SASH1: variants seen among roughly 807,000 people sequenced by gnomAD.
The protein encoded by SASH1 is SAM and SH3 domain containing 1.
SASH1 carries 44 observed loss-of-function variants against 125.2 expected under a neutral mutation model. The observed-to-expected ratio is 0.35, with a 90% confidence interval of 0.28 to 0.45. The LOEUF (loss-of-function observed/expected upper bound fraction) is 0.45. SASH1 is among the 20% of genes least tolerant of loss of function. The probability of loss-of-function intolerance (pLI) is 1.00; values close to 1 mark genes in which losing one functional copy is unlikely to be tolerated. For synonymous variants in SASH1, 639 were observed against 649.1 expected (o/e 0.98, Z 0.24); for missense variants, 1,426 against 1,614.5 (o/e 0.88, Z 2.00).
At chr6:148,204,749 G>C in the SASH1 span, among the ~76,000 whole-genome samples, 3 of 151,880 alleles carry the variant, frequency 2.0e-5, no homozygotes, top group East Asian at 5.8e-4. Flanking sequence ...CATCACTATA[G>C]TAAGTATCCA....
chr6:148,199,463 A>T, the SASH1 span, among the ~76,000 whole-genome samples: 3 of 152,068 alleles, frequency 2.0e-5, no homozygotes, highest in Non-Finnish European at 4.4e-5. Flanking sequence ...CAAATACAGG[A>T]TCCAAAAGGT....
intron 1 of SASH1, among the ~76,000 whole-genome samples, chr6:148,322,211 C>A (rs1208724703): frequency 1.3e-5 from 2 of 152,028 alleles, no homozygotes; most frequent in Non-Finnish European, 2.9e-5. Context: ...ATTAGCCAGG[C>A]ATGGTGGCGG....
chr6:148,501,619 T>C (rs905981257), intron 8 of SASH1, among the ~76,000 whole-genome samples: 13 of 152,200 alleles, frequency 8.5e-5, no homozygotes, highest in African/African-American at 2.7e-4. Context: ...CTATTTAATA[T>C]GAAACAATAC....
chr6:148,365,498 G>T (rs1363086504), intron 1 of SASH1, among the ~76,000 whole-genome samples: 1 of 151,784 alleles, frequency 6.6e-6, no homozygotes, highest in South Asian at 2.1e-4. Flanking sequence ...AGGTGATGAG[G>T]AGGGGGTCAT....
At chr6:148,516,876 C>T (rs942453890) in intron 9 of SASH1, among the ~76,000 whole-genome samples, 6 of 152,112 alleles carry the variant, frequency 3.9e-5, no homozygotes, top group Admixed American at 1.3e-4. Context: ...CTGGAGTCCT[C>T]GGAAAGCCAG....
At chr6:148,277,883 A>T (rs1779229545) in intron 1 of SASH1, among the ~76,000 whole-genome samples, 1 of 150,554 alleles carries the variant, frequency 6.6e-6, no homozygotes, top group South Asian at 2.1e-4. Flanking sequence ...AGCCCAGCTA[A>T]TTTTTGTATT....
At chr6:148,360,590 G>T (rs1421205464) in intron 1 of SASH1, among the ~76,000 whole-genome samples, 2 of 150,872 alleles carry the variant, frequency 1.3e-5, no homozygotes, top group Admixed American at 1.3e-4. Flanking sequence ...GACTGCCAGT[G>T]ATCTGCCACC....
rs57183555 is a variant in SASH1 at position 148,356,494 on chromosome 6, C to CTTTTTTTTTTTTTTTTTT, written c.156+13274_156+13291dup. ...TCAAATGGTAGATCTACTTTTAGTT[C>CTTTTTTTTTTTTTTTTTT]TTTTTTTTTTTTTTTTTTTTGAGAC... On this transcript the variant is annotated intron_variant, in intron 1 of 19. Coordinates refer to ENST00000367467, the MANE Select transcript of SASH1 (RefSeq NM_015278.5). Among the ~76,000 whole-genome samples the CTTTTTTTTTTTTTTTTTT allele has an allele frequency of 3.0e-4, 35 of 116,254 alleles. 1 individual carries two copies. Among genetic ancestry groups the CTTTTTTTTTTTTTTTTTT allele is most frequent in the East Asian group, 5.8e-4 (2 of 3,448 alleles). The allele number at this position is 116,254 out of a possible 152,430, so 76.3% of individuals were successfully genotyped here. A position where few individuals can be genotyped will look rare whatever the true frequency, so the allele number is the denominator to read the frequency against.
At chr6:148,306,977 G>T (rs2128516475) in intron 1 of SASH1, among the ~76,000 whole-genome samples, 1 of 152,236 alleles carries the variant, frequency 6.6e-6, no homozygotes, top group African/African-American at 2.4e-5. Context: ...GTGACCCAGA[G>T]AACTGGCTGC....
chr6:148,510,983 G>A (rs1381453540), intron 8 of SASH1, among the ~76,000 whole-genome samples: 3 of 127,906 alleles, frequency 2.3e-5, no homozygotes, highest in African/African-American at 9.1e-5. Context: ...GAGACAGAGC[G>A]AGACTCCATC....
At chr6:148,369,966 C>CAAAAAAAAAAAAAAAA (rs562924566) in intron 1 of SASH1, among the ~76,000 whole-genome samples, 692 of 92,886 alleles carry the variant, frequency 7.4e-3, no homozygotes, top group Middle Eastern at 0.012. Flanking sequence ...AAAAGAAAAA[C>CAAAAAAAAAAAAAAAA]AAAAAAAAAA....
chr6:148,308,891 C>T (rs1369546313), intron 1 of SASH1, among the ~76,000 whole-genome samples: 2 of 150,962 alleles, frequency 1.3e-5, no homozygotes, highest in Admixed American at 6.6e-5. Flanking sequence ...CGAGACCAGC[C>T]TGACCAACGT....
chr6:148,326,468 G>A (rs1372032236), intron 1 of SASH1, among the ~76,000 whole-genome samples: 2 of 144,172 alleles, frequency 1.4e-5, no homozygotes, highest in African/African-American at 2.6e-5. Flanking sequence ...GCAATGGCGT[G>A]ATCTCGGCTC....
At chr6:148,477,818 C>T (rs1243053215) in intron 7 of SASH1, among the ~76,000 whole-genome samples, 1 of 151,784 alleles carries the variant, frequency 6.6e-6, no homozygotes, top group African/African-American at 2.4e-5. Context: ...CTGCCTCAGC[C>T]TCCCGAGAAG....
rs375671652 is a variant in SASH1 at position 148,428,650 on chromosome 6, T to C, written c.286-11534T>C. On this transcript the variant is annotated intron_variant, in intron 2 of 19. Coordinates refer to ENST00000367467, the MANE Select transcript of SASH1 (RefSeq NM_015278.5). ...ATCTCAAAAAAAAAAAAAGAGAATA[T>C]AAACTAATACAGCAAAAGGCTCAAT... is the stretch of plus-strand genomic sequence containing the variant. Among the ~76,000 whole-genome samples, 85 of 50,024 alleles carry C rather than the reference T, an allele frequency of 1.7e-3. 1 individual carries two copies. Among genetic ancestry groups the C allele is most frequent in the African/African-American group, 5.8e-3 (76 of 13,148 alleles). The allele number at this position is 50,024 out of a possible 152,430, so 32.8% of individuals were successfully genotyped here.
At chr6:148,420,544 A>G (rs1296360673) in intron 2 of SASH1, among the ~76,000 whole-genome samples, 2 of 152,206 alleles carry the variant, frequency 1.3e-5, no homozygotes, top group Non-Finnish European at 2.9e-5. Flanking sequence ...CAGGGAGTTT[A>G]CATGCCACTG....
intron 1 of SASH1, among the ~76,000 whole-genome samples, chr6:148,277,122 G>T (rs916389491): frequency 6.6e-6 from 1 of 152,118 alleles, no homozygotes; most frequent in Non-Finnish European, 1.5e-5. Context: ...GGATATATGG[G>T]AGCCAGTATT....
intron 1 of SASH1, among the ~76,000 whole-genome samples, chr6:148,307,181 C>A (rs1780167734): frequency 6.6e-6 from 1 of 151,580 alleles, no homozygotes; most frequent in Non-Finnish European, 1.5e-5. Flanking sequence ...TGCAGTGGCT[C>A]AATCTTGGCT....
chr6:148,303,420 C>T (rs975287230), intron 1 of SASH1, among the ~76,000 whole-genome samples: 3 of 152,106 alleles, frequency 2.0e-5, no homozygotes, highest in Non-Finnish European at 4.4e-5. Context: ...GAATCAAAAT[C>T]ATAGAGTATG....
Sources: gnomAD v4.1 joint callset for allele counts (sites outside exome capture counted in the v4.1 genomes callset) on GRCh38, gnomAD v4.1.1 for gene constraint, MANE v1.5 for transcripts, NCBI Gene and HGNC (gene_info 2026-07-23, HGNC 2026-07-21) for gene names.